Variants in GPHN observed in about 807,000 individuals in gnomAD.
The protein encoded by GPHN is gephyrin.
Under a neutral mutation model 95.5 loss-of-function variants are expected in GPHN, and 17 were observed. That is an observed-to-expected ratio of 0.18 (90% CI 0.12 to 0.27). The LOEUF (loss-of-function observed/expected upper bound fraction) is 0.27. Ranked by LOEUF, GPHN falls within the 10% of genes least tolerant of loss-of-function variation. GPHN has a pLI of 1.00. For synonymous variants in GPHN, 320 were observed against 322.5 expected (o/e 0.99, Z 0.08); for missense variants, 660 against 978.1 (o/e 0.67, Z 4.34).
intron 3 of GPHN, among the ~76,000 whole-genome samples, chr14:66,813,074 T>G (rs1156308014): frequency 1.3e-5 from 2 of 152,160 alleles, no homozygotes; most frequent in Non-Finnish European, 2.9e-5. Flanking sequence ...TTTATATAAT[T>G]TTTTTTACTG....
chr14:67,573,668 A>G, the GPHN span: 1 of 708,816 alleles, frequency 1.4e-6, no homozygotes, highest in East Asian at 2.6e-5. This position sits in a 1 kb window ranked among gnomAD's most constrained non-coding sequence, Gnocchi z 4.8. Flanking sequence ...TAAGTCACCC[A>G]TCATAACACA....
chr14:67,229,744 T>C, the GPHN span, among the ~76,000 whole-genome samples: 1 of 152,250 alleles, frequency 6.6e-6, no homozygotes, highest in African/African-American at 2.4e-5. Flanking sequence ...TAAAAATATT[T>C]AAGGATTAAT....
intron 4 of GPHN, among the ~76,000 whole-genome samples, chr14:66,876,991 A>G (rs1443371824): frequency 6.6e-6 from 1 of 152,192 alleles, no homozygotes; most frequent in Non-Finnish European, 1.5e-5. Flanking sequence ...ATAAATCCTC[A>G]ATAAAATACT....
intron 8 of GPHN, among the ~76,000 whole-genome samples, chr14:66,948,939 A>G (rs2067920109): frequency 6.6e-6 from 1 of 152,210 alleles, no homozygotes; most frequent in African/African-American, 2.4e-5. Flanking sequence ...CTGGGAGCAC[A>G]GGGACAGTTT....
the GPHN span, among the ~76,000 whole-genome samples, chr14:67,264,809 T>C: frequency 6.6e-6 from 1 of 152,258 alleles, no homozygotes; most frequent in Admixed American, 6.5e-5. Context: ...TACAGATGTG[T>C]TATATATATG....
the GPHN span, among the ~76,000 whole-genome samples, chr14:67,274,598 A>G: frequency 1.3e-5 from 2 of 152,130 alleles, no homozygotes; most frequent in Non-Finnish European, 2.9e-5. Flanking sequence ...TTGTCTTGGC[A>G]ATGCGGGCTC....
intron 1 of GPHN, among the ~76,000 whole-genome samples, chr14:66,674,359 A>T (rs1284193949): frequency 2.0e-5 from 3 of 151,846 alleles, no homozygotes; most frequent in Non-Finnish European, 2.9e-5. Context: ...CAGCCTCCCA[A>T]AGTGCTGGGT....
chr14:67,254,277 T>G, the GPHN span: 1 of 151,836 alleles, frequency 6.6e-6, no homozygotes, highest in Admixed American at 6.6e-5. Flanking sequence ...AAGTTTTTGG[T>G]ACCAAGTGGG....
chr14:66,980,529 G>GA (rs1485957061), intron 9 of GPHN, among the ~76,000 whole-genome samples: 4 of 151,902 alleles, frequency 2.6e-5, no homozygotes, highest in African/African-American at 9.7e-5. Context: ...AAGAAATTTG[G>GA]AAAAAATAAT....
the GPHN span, among the ~76,000 whole-genome samples, chr14:67,257,739 A>C: frequency 6.6e-6 from 1 of 152,200 alleles, no homozygotes; most frequent in Non-Finnish European, 1.5e-5. Context: ...GAAGAAACTG[A>C]GAGTTAAAAG....
chr14:67,260,409 T>C, the GPHN span, among the ~76,000 whole-genome samples: 1 of 152,224 alleles, frequency 6.6e-6, no homozygotes, highest in Non-Finnish European at 1.5e-5. Context: ...AAAATATTTG[T>C]ATATAGCACA....
chr14:66,584,244 T>C (rs1262456819), intron 1 of GPHN, among the ~76,000 whole-genome samples: 2 of 152,208 alleles, frequency 1.3e-5, no homozygotes, highest in Non-Finnish European at 2.9e-5. Flanking sequence ...GTTTGTATCC[T>C]GAGACTTTGC....
the GPHN span, chr14:67,352,904 T>C: frequency 1.3e-6 from 2 of 1,538,090 alleles, no homozygotes; most frequent in Non-Finnish European, 1.8e-6. Flanking sequence ...AATACTATTC[T>C]AAGAAAAGTT....
chr14:66,510,483 C>T (rs1417138238), intron 1 of GPHN, among the ~76,000 whole-genome samples: 5 of 152,222 alleles, frequency 3.3e-5, no homozygotes, highest in African/African-American at 1.2e-4. Context: ...CAGCCCTTAT[C>T]TGGTGTCCCT....
intron 21 of GPHN, among the ~76,000 whole-genome samples, chr14:67,177,357 G>C (rs2140166263): frequency 6.6e-6 from 1 of 152,282 alleles, no homozygotes; most frequent in Admixed American, 6.5e-5. Context: ...TTCAGGAGCA[G>C]GTTGTTCAGT....
chr14:66,773,352 C>CTTTTTT (rs542180875), intron 2 of GPHN, among the ~76,000 whole-genome samples: 1 of 121,834 alleles, frequency 8.2e-6, no homozygotes, highest in Non-Finnish European at 1.7e-5. Context: ...TTGGGGAAAT[C>CTTTTTT]TTTTTTTTTT....
chr14:67,249,389 A>G, the GPHN span, among the ~76,000 whole-genome samples: 233 of 152,350 alleles, frequency 1.5e-3, no homozygotes, highest in Non-Finnish European at 2.5e-3. Flanking sequence ...TTTCTCACCT[A>G]TGACATGTAG....
chr14:67,631,430 CTTTCTTTTTT>C, the GPHN span, among the ~76,000 whole-genome samples: 1 of 128,490 alleles, frequency 7.8e-6, no homozygotes, highest in Non-Finnish European at 1.6e-5. Flanking sequence ...TCCTTTCTTT[CTTTCTTTTTT>C]TTTTTTTTTT....
chr14:66,605,683 C>T (rs1464857170), intron 1 of GPHN, among the ~76,000 whole-genome samples: 1 of 151,888 alleles, frequency 6.6e-6, no homozygotes, highest in African/African-American at 2.4e-5. Flanking sequence ...GTGCCTGCCA[C>T]CAAGCCCGGC....
Sources: allele counts gnomAD v4.1 joint callset (sites outside exome capture counted in the v4.1 genomes callset), GRCh38; gene constraint gnomAD v4.1.1; non-coding constraint Gnocchi (gnomAD v3.1); transcripts MANE v1.5; gene names NCBI Gene and HGNC (gene_info 2026-07-23, HGNC 2026-07-21).